The following PHTF2 variants were observed in gnomAD, a reference collection of about 807,000 sequenced individuals.
PHTF2 encodes the protein protein PHTF2.
A neutral mutation model predicts 101.2 loss-of-function variants in PHTF2; 60 were observed. The observed-to-expected ratio is 0.59, with a 90% CI of 0.48 to 0.73. The LOEUF is 0.73. Among genes scored for constraint, PHTF2 ranks in the 30% least tolerant of loss-of-function variants. PHTF2 has a pLI of 0.00. For missense variants in PHTF2, 747 were observed against 908.7 expected (o/e 0.82, Z 2.29); for synonymous variants, 311 against 307.3 (o/e 1.01, Z -0.13).
intron 5 of PHTF2, among the ~76,000 whole-genome samples, chr7:77,899,340 C>T (rs191228165): frequency 5.9e-5 from 9 of 151,664 alleles, no homozygotes; most frequent in Admixed American, 2.0e-4. Flanking sequence ...AGAACATGCA[C>T]GTTGGGTGAC....
At chr7:77,849,263 A>G (rs1481137970) in intron 2 of PHTF2, among the ~76,000 whole-genome samples, 1 of 151,762 alleles carries the variant, frequency 6.6e-6, no homozygotes, top group East Asian at 1.9e-4. Flanking sequence ...AGCTGGGATT[A>G]CAGGCATGCG....
intron 1 of PHTF2, among the ~76,000 whole-genome samples, chr7:77,836,904 G>A (rs771212315): frequency 1.1e-4 from 17 of 150,236 alleles, no homozygotes; most frequent in Non-Finnish European, 1.9e-4. Flanking sequence ...ACCATTGCAC[G>A]TGTATACCTA....
chr7:77,861,153 A>T (rs945898487), intron 3 of PHTF2, among the ~76,000 whole-genome samples: 79 of 151,294 alleles, frequency 5.2e-4, no homozygotes, highest in African/African-American at 1.9e-3. Flanking sequence ...TTTTATTTTT[A>T]TTTATTTATT....
At chr7:77,910,284 A>G (rs1263327076) in exon 9 of PHTF2, 1 of 1,613,456 alleles carries the variant, frequency 6.2e-7, no homozygotes, top group African/African-American at 1.3e-5. Flanking sequence ...TACATAGGGA[A>G]GGAGATGGTT....
chr7:77,942,967 G>A (rs553015881), intron 16 of PHTF2, among the ~76,000 whole-genome samples, 181 bp downstream of exon 15: 2 of 152,296 alleles, frequency 1.3e-5, no homozygotes, highest in East Asian at 3.9e-4. Context: ...TGAACAGTGA[G>A]CATGTATGCT....
At chr7:77,934,222 T>C (rs1804877579) in intron 12 of PHTF2, among the ~76,000 whole-genome samples, 2 of 152,226 alleles carry the variant, frequency 1.3e-5, no homozygotes, top group South Asian at 4.1e-4. Context: ...GCATTTGAAT[T>C]AGTATGTTCT....
At chr7:77,894,752 G>T (rs1174557563) in intron 5 of PHTF2, among the ~76,000 whole-genome samples, 1 of 152,076 alleles carries the variant, frequency 6.6e-6, no homozygotes, top group Non-Finnish European at 1.5e-5. Context: ...TGGGGAGGTT[G>T]GGAAAGATTT....
At chr7:77,815,071 T>A (rs539637041) in intron 1 of PHTF2, among the ~76,000 whole-genome samples, 3 of 150,914 alleles carry the variant, frequency 2.0e-5, no homozygotes, top group Non-Finnish European at 4.4e-5. Context: ...CTACACTCTG[T>A]CTCAAAAATA....
At chr7:77,885,281 A>G (rs960106118) in intron 3 of PHTF2, among the ~76,000 whole-genome samples, 1 of 152,000 alleles carries the variant, frequency 6.6e-6, no homozygotes, top group Non-Finnish European at 1.5e-5. Flanking sequence ...TTTTAAATAG[A>G]GATGAGGGTC....
intron 9 of PHTF2, among the ~76,000 whole-genome samples, chr7:77,917,559 A>G (rs1803049232): frequency 6.6e-6 from 1 of 152,088 alleles, no homozygotes; most frequent in Non-Finnish European, 1.5e-5. Context: ...TTCTTTTTAT[A>G]TTTATATCTT....
intron 5 of PHTF2, among the ~76,000 whole-genome samples, chr7:77,898,110 A>G (rs925876076): frequency 6.6e-6 from 1 of 152,068 alleles, no homozygotes; most frequent in Non-Finnish European, 1.5e-5. Context: ...ATATATTTTA[A>G]TAGAATATAA....
At chr7:77,830,904 T>G (rs966761375) in intron 1 of PHTF2, among the ~76,000 whole-genome samples, 2 of 152,248 alleles carry the variant, frequency 1.3e-5, no homozygotes, top group Non-Finnish European at 2.9e-5. Context: ...AGTCACAGAT[T>G]TGGTTAAGCC....
intron 2 of PHTF2, among the ~76,000 whole-genome samples, chr7:77,854,559 C>G (rs986541096): frequency 3.3e-5 from 5 of 152,132 alleles, no homozygotes; most frequent in African/African-American, 7.2e-5. Flanking sequence ...CTGCCCTACT[C>G]CCCGTACCCC....
intron 11 of PHTF2, among the ~76,000 whole-genome samples, chr7:77,926,582 C>CA (rs1278016592): frequency 0.026 from 3,590 of 137,792 alleles, 116 homozygotes; most frequent in African/African-American, 0.083. Context: ...AGGAGATGGC[C>CA]AAAAAAAAAA....
intron 1 of PHTF2, among the ~76,000 whole-genome samples, chr7:77,836,464 C>A (rs1057069871): frequency 6.6e-6 from 1 of 152,178 alleles, no homozygotes; most frequent in Admixed American, 6.5e-5. Context: ...CATCTTTTCC[C>A]ACCACCCTGG....
At chr7:77,825,935 TG>T (rs1418344131) in intron 1 of PHTF2, among the ~76,000 whole-genome samples, 1 of 152,016 alleles carries the variant, frequency 6.6e-6, no homozygotes, top group African/African-American at 2.4e-5. Flanking sequence ...CTTCAACAAA[TG>T]GAACAGAAAA....
chr7:77,955,787 A>G (rs1806958170), exon 20 of PHTF2: 1 of 152,500 alleles, frequency 6.6e-6, no homozygotes, highest in Non-Finnish European at 1.5e-5. Context: ...AGTGTAGGCT[A>G]TTCATACCAC....
rs546552235 is a variant in PHTF2, at chr7:77,894,725, G to A, written c.216+732G>A. Among the ~76,000 whole-genome samples, 59 of 152,272 alleles carry A rather than the reference G, an allele frequency of 3.9e-4. No homozygotes were observed. In the Middle Eastern group the frequency reaches 0.01, roughly 26 times the overall value. Reference sequence around the variant, plus strand: ...CATGTCTAAAACTCTATAGAAGAGCGAGAGGGGAGACAAGCCTGGGGAGGT... The same window carrying A: ...CATGTCTAAAACTCTATAGAAGAGCAAGAGGGGAGACAAGCCTGGGGAGGT... On this transcript the variant is annotated intron_variant, in intron 5 of 19. Transcript: ENST00000416283.
intron 1 of PHTF2, among the ~76,000 whole-genome samples, chr7:77,803,533 A>C: frequency 6.6e-6 from 1 of 152,120 alleles, no homozygotes; most frequent in East Asian, 1.9e-4. Context: ...AATATTTTTG[A>C]GGTTCAGTTT....
Sources: gnomAD v4.1 joint callset for allele counts (sites outside exome capture counted in the v4.1 genomes callset) on GRCh38, gnomAD v4.1.1 for gene constraint, MANE v1.5 for transcripts, NCBI Gene and HGNC (gene_info 2026-07-23, HGNC 2026-07-21) for gene names.